Variants in ANPEP observed in about 807,000 individuals in gnomAD.
ANPEP encodes the protein alanyl aminopeptidase, membrane, also known as aminopeptidase N.
Under a neutral mutation model 114.6 loss-of-function variants are expected in ANPEP, and 70 were observed. The observed-to-expected ratio is 0.61, with a 90% CI of 0.50 to 0.75. The LOEUF (loss-of-function observed/expected upper bound fraction) is 0.75. Ranked by LOEUF, ANPEP falls within the 30% of genes least tolerant of loss-of-function variation. ANPEP has a pLI of 0.00. For synonymous variants in ANPEP, 548 were observed against 522.3 expected (o/e 1.05, Z -0.67); for missense variants, 1,184 against 1,259.5 (o/e 0.94, Z 0.91).
In ANPEP at chr15:89,806,449, G is replaced by A. The variant is rs142008329; in HGVS notation, c.135C>T (p.Pro45=). 13 of 1,614,090 alleles carry A rather than the reference G, an allele frequency of 8.1e-6. No individual in the cohort carries two copies. The highest frequency in any genetic ancestry group is 6.7e-5 in the African/African-American group (5 of 74,994). The change falls in exon 2 of 21, where the codon CCC becomes CCT. Residue 45 remains proline (P), a synonymous_variant. Transcript: ENST00000300060. This position sits in a 1 kb window ranked among gnomAD's most constrained non-coding sequence, Gnocchi z 5.7. ...AGGCGGACGGGGTGGTGGAGGCCACGGGGGAGCTGTTGGCGTTCTTGTTCT... is the reference window on the plus strand; with the variant it reads ...AGGCGGACGGGGTGGTGGAGGCCACAGGGGAGCTGTTGGCGTTCTTGTTCT... The part of the protein sequence containing the change: ...QEKNKNANSS[P]VASTTPSASA...
At chr15:89,810,129 C>T (rs1236278668) in intron 1 of ANPEP, among the ~76,000 whole-genome samples, 1 of 152,180 alleles carries the variant, frequency 6.6e-6, no homozygotes, top group Non-Finnish European at 1.5e-5. Context: ...CCTGTAATCC[C>T]AGCACTTTAG....
chr15:89,792,367 G>C, intron 17 of ANPEP, 40 bp from the exon 18 acceptor site: 1 of 1,613,096 alleles, frequency 6.2e-7, no homozygotes, highest in South Asian at 1.1e-5. Context: ...AACAGCAGCG[G>C]GGAGGGTGGG....
intron 1 of ANPEP, among the ~76,000 whole-genome samples, chr15:89,807,934 G>A (rs1894751342): frequency 6.6e-6 from 1 of 152,038 alleles, no homozygotes; most frequent in Non-Finnish European, 1.5e-5. Flanking sequence ...AGATGCACTT[G>A]GTCAAAACCA....
At chr15:89,795,702 A>G (rs1296730355) in intron 15 of ANPEP, among the ~76,000 whole-genome samples, 2 of 152,212 alleles carry the variant, frequency 1.3e-5, no homozygotes, top group African/African-American at 4.8e-5. Context: ...CCAGTGTGAG[A>G]GTGGAATAAA....
intron 19 of ANPEP, 47 bp downstream of exon 19, chr15:89,790,906 C>T (rs1596160709): frequency 1.2e-6 from 2 of 1,601,616 alleles, no homozygotes; most frequent in South Asian, 1.1e-5. Flanking sequence ...CCCCCGGGGC[C>T]CCAGCCTCGG....
chr15:89,809,745 C>T (rs1894785697), intron 1 of ANPEP, among the ~76,000 whole-genome samples: 1 of 152,232 alleles, frequency 6.6e-6, no homozygotes, highest in Admixed American at 6.5e-5. Context: ...GGGTGGGACT[C>T]TCCCATTCAA....
rs1184663210 is a variant in ANPEP at position 89,795,318 on chromosome 15, A to C, written c.2158-2192T>G. Among the ~76,000 whole-genome samples, 41 of 152,240 alleles carry C rather than the reference A, an allele frequency of 2.7e-4. 1 individual carries two copies. The highest frequency in any genetic ancestry group is 2.7e-3 in the Admixed American group (41 of 15,280). Reference sequence around the variant, plus strand: ...AAGCTGGAAAACAGAAGAGAAAAAGAAAACTAGAGGATGAAAGCAAGAGAA... The same window carrying C: ...AAGCTGGAAAACAGAAGAGAAAAAGCAAACTAGAGGATGAAAGCAAGAGAA... On this transcript the variant is annotated intron_variant, in intron 15 of 20. Coordinates refer to ENST00000300060, the MANE Select transcript of ANPEP (RefSeq NM_001150.3).
intron 15 of ANPEP, 94 bp downstream of exon 15, chr15:89,797,481 G>T: frequency 6.9e-7 from 1 of 1,447,530 alleles, no homozygotes; most frequent in Non-Finnish European, 9.2e-7. Flanking sequence ...CCCTGACCAG[G>T]AGTCCAGTAG....
rs989638545 is a variant in ANPEP at position 89,803,128 on chromosome 15, C to A, written c.1569+111G>T. ...CAGAGGCTCCATCCACCCTGCAGGG[C>A]TGGTCAGCCGCGGAGCTGGACCCAT... On this transcript the variant is annotated intron_variant, in intron 10 of 20. Coordinates refer to ENST00000300060, the MANE Select transcript of ANPEP (RefSeq NM_001150.3). The surrounding 1 kb of genome is among the most constrained non-coding windows in gnomAD (Gnocchi z 4.2). 4.8e-6 allele frequency: 6 copies of A among 1,240,904 alleles called. No homozygotes were observed. The highest frequency in any genetic ancestry group is 7.1e-6 in the Non-Finnish European group (6 of 847,632). The allele number at this position is 1,240,904 out of a possible 1,614,324, so 76.9% of individuals were successfully genotyped here. A position where few individuals can be genotyped will look rare whatever the true frequency, so the allele number is the denominator to read the frequency against.
intron 16 of ANPEP, 116 bp downstream of exon 16, chr15:89,792,919 T>G: frequency 1.1e-6 from 1 of 913,744 alleles, no homozygotes; most frequent in Non-Finnish European, 1.7e-6. Flanking sequence ...TGGGTGGGGG[T>G]CTCTCCCTGC....
rs756105308 is a variant in ANPEP at position 89,791,025 on chromosome 15, A to T, written c.2597T>A (p.Ile866Asn). Residue 866 changes from isoleucine (I) to asparagine (N), a missense_variant, in exon 19 of 21, where the codon ATT becomes AAT. Physicochemically the swap from Ile to Asn is moderately radical, Grantham distance 149 (BLOSUM62 -3). Coordinates refer to ENST00000300060, the MANE Select transcript of ANPEP (RefSeq NM_001150.3). ...KQDATSTIIS[I>N]TNNVIGQGLV... ...ACCTTGCCCAATGACGTTGTTGGTA[A>T]TGCTGATGATGGTAGAGGTGGCGTC... is the stretch of plus-strand genomic sequence containing the variant. 2 of 1,614,194 alleles carry T rather than the reference A, an allele frequency of 1.2e-6. No homozygotes were observed. Among genetic ancestry groups the T allele is most frequent in the Non-Finnish European group, 1.7e-6 (2 of 1,180,042 alleles).
At chr15:89,809,664 C>T (rs942076461) in intron 1 of ANPEP, among the ~76,000 whole-genome samples, 2 of 152,212 alleles carry the variant, frequency 1.3e-5, no homozygotes, top group Non-Finnish European at 2.9e-5. Context: ...CGGGCAGTGG[C>T]GGCTATGCTA....
chr15:89,785,530 C>A, intron 20 of ANPEP, 29 bp from the exon 21 acceptor site: 1 of 1,562,576 alleles, frequency 6.4e-7, no homozygotes, highest in Non-Finnish European at 8.6e-7. Context: ...ATTCTCAGTC[C>A]GGCTGGGTCC....
chr15:89,813,999 G>GGGGGGC lies in ANPEP; in HGVS notation c.-224+772_-224+773insGCCCCC, dbSNP rs1555442965. Among the ~76,000 whole-genome samples the GGGGGGC allele has an allele frequency of 1.3e-5, 2 of 151,132 alleles. 1 individual carries two copies. Among genetic ancestry groups the GGGGGGC allele is most frequent in the African/African-American group, 4.9e-5 (2 of 40,596 alleles). On this transcript the variant is annotated intron_variant, in intron 1 of 20. Transcript: ENST00000300060. ...CCTGCCCACCGCACTGCTGGGGGGG[G>GGGGGGC]GGGGTGCGTTCTGGAGTCATTTGGG...
In ANPEP at chr15:89,799,441, C is replaced by T. The variant is rs1237541020; in HGVS notation, c.1938G>A (p.Leu646=). 6.2e-7 allele frequency: 1 copy of T among 1,614,182 alleles called. No individual in the cohort carries two copies. The highest frequency in any genetic ancestry group is 1.7e-5 in the Admixed American group (1 of 60,028). ...AGACACTCACCGAGTGGTCTCTCTG[C>T]AGCTGAGTCTGAATCTTCCTCCAGT... is the stretch of plus-strand genomic sequence containing the variant. The part of the protein sequence containing the change: ...EENWRKIQTQ[L]QRDHSAIPVI... Residue 646 remains leucine (L), a synonymous_variant, in exon 13 of 21, where the codon CTG becomes CTA. Coordinates refer to ENST00000300060, the MANE Select transcript of ANPEP (RefSeq NM_001150.3). This position sits in a 1 kb window ranked among gnomAD's most constrained non-coding sequence, Gnocchi z 4.2.
In ANPEP at chr15:89,792,551, A is replaced by T. The variant is rs1478938139; in HGVS notation, c.2261T>A (p.Val754Asp). 1.2e-6 allele frequency: 2 copies of T among 1,613,630 alleles called. No individual in the cohort carries two copies. The highest frequency in any genetic ancestry group is 4.5e-5 in the East Asian group (2 of 44,832). ...PENLMDQYSE[V>D]NAISTACSNG... ...GGAGCAGGCGGTGCTGATGGCATTA[A>T]CCTCGCTGTACCTGCCCCAGGGGTG... Residue 754 changes from valine to aspartate, a missense_variant, in exon 17 of 21, where the codon GTT (valine) becomes GAT (aspartate). Val to Asp is a radical substitution (Grantham distance 152, BLOSUM62 -3). Coordinates refer to ENST00000300060, the MANE Select transcript of ANPEP (RefSeq NM_001150.3).
intron 15 of ANPEP, 122 bp from the exon 16 acceptor site, chr15:89,793,248 G>A: frequency 2.6e-6 from 2 of 773,468 alleles, no homozygotes; most frequent in Non-Finnish European, 2.1e-6. Flanking sequence ...GGCCTCACCT[G>A]AGGCCAAACA....
chr15:89,803,106 A>C lies in ANPEP; in HGVS notation c.1569+133T>G, dbSNP rs2141806557. The C allele has an allele frequency of 5.0e-6, 5 of 990,792 alleles. No individual in the cohort carries two copies. The South Asian group carries it at 7.0e-5, about 14-fold the overall frequency. 61.4% of individuals were successfully genotyped at this position (990,792 alleles called of 1,614,324 possible). ...CTTCCACTATAGGGAGGAGCAACAG[A>C]GGCTCCATCCACCCTGCAGGGCTGG... On this transcript the variant is annotated intron_variant, in intron 10 of 20. Coordinates refer to ENST00000300060, the MANE Select transcript of ANPEP (RefSeq NM_001150.3). The surrounding 1 kb of genome is among the most constrained non-coding windows in gnomAD (Gnocchi z 4.2).
intron 15 of ANPEP, 113 bp from the exon 16 acceptor site, chr15:89,793,239 G>T: frequency 1.1e-6 from 1 of 878,724 alleles, no homozygotes; most frequent in Non-Finnish European, 1.8e-6. Context: ...AGAGGTCAGG[G>T]CCTCACCTGA....
Sources: allele counts gnomAD v4.1 joint callset (sites outside exome capture counted in the v4.1 genomes callset), GRCh38; gene constraint gnomAD v4.1.1; non-coding constraint Gnocchi (gnomAD v3.1); transcripts MANE v1.5; gene names NCBI Gene and HGNC (gene_info 2026-07-23, HGNC 2026-07-21).